The following DNAJC5B variants were observed in gnomAD, a reference collection of about 807,000 sequenced individuals.
DNAJC5B encodes the protein DnaJ heat shock protein family (Hsp40) member C5 beta, also known as dnaJ homolog subfamily C member 5B.
DNAJC5B carries 23 observed loss-of-function variants against 24.7 expected under a neutral mutation model. That is an observed-to-expected ratio of 0.93 (90% CI 0.67 to 1.32). The LOEUF (loss-of-function observed/expected upper bound fraction) is 1.32, where lower values mean the gene tolerates loss of function less well. Among genes scored for constraint, DNAJC5B ranks in the 40% most tolerant of loss-of-function variants. The pLI, the probability that DNAJC5B is intolerant of heterozygous loss-of-function variation, is 0.00. For synonymous variants in DNAJC5B, 101 were observed against 90.1 expected (o/e 1.12, Z -0.68); for missense variants, 238 against 240.8 (o/e 0.99, Z 0.08).
intron 3 of DNAJC5B, among the ~76,000 whole-genome samples, chr8:66,072,194 A>G (rs1251438309): frequency 1.3e-5 from 2 of 152,238 alleles, no homozygotes; most frequent in Non-Finnish European, 2.9e-5. Context: ...AACTTAAAGT[A>G]TAATAAAAAA....
intron 1 of DNAJC5B, among the ~76,000 whole-genome samples, chr8:66,040,625 G>A (rs78187545): frequency 6.6e-6 from 1 of 152,168 alleles, no homozygotes; most frequent in South Asian, 2.1e-4. Flanking sequence ...TCTGACATGG[G>A]GTAAACAGCG....
intron 5 of DNAJC5B, 150 bp downstream of exon 5, chr8:66,080,698 T>G (rs962797834): frequency 3.0e-6 from 2 of 665,636 alleles, no homozygotes; most frequent in African/African-American, 3.6e-5. Context: ...GTACAGCTTC[T>G]GGGGAGAATG....
intron 5 of DNAJC5B, among the ~76,000 whole-genome samples, chr8:66,084,175 C>T (rs1308945464): frequency 1.3e-5 from 2 of 152,178 alleles, no homozygotes; most frequent in East Asian, 3.8e-4. Flanking sequence ...AATCAGACTT[C>T]ATCTGAAGAC....
At chr8:66,045,691 C>T (rs2128958830) in intron 2 of DNAJC5B, among the ~76,000 whole-genome samples, 1 of 152,192 alleles carries the variant, frequency 6.6e-6, no homozygotes, top group African/African-American at 2.4e-5. Context: ...CCTGCCTGAG[C>T]CCATTTCTCT....
rs145783479 is a variant in DNAJC5B at position 66,056,199 on chromosome 8, C to T, written c.119+4533C>T. On this transcript the variant is annotated intron_variant, in intron 3 of 5. Coordinates refer to ENST00000276570, the MANE Select transcript of DNAJC5B (RefSeq NM_033105.6). The stretch of plus-strand genomic sequence containing the variant: ...ACCCAGGCCCAGCTTTTCCCAATAC[C>T]CAATCTAGCAGAAGAAGGCATCCAG... 2.6e-5 allele frequency among the ~76,000 whole-genome samples: 4 copies of T among 152,212 alleles called. No individual in the cohort carries two copies. In the East Asian group the frequency reaches 7.7e-4, roughly 29 times the overall value.
chr8:66,027,235 A>G (rs561479823), intron 1 of DNAJC5B, among the ~76,000 whole-genome samples: 4 of 152,168 alleles, frequency 2.6e-5, no homozygotes, highest in Non-Finnish European at 5.9e-5. Flanking sequence ...AGCCCCGGAA[A>G]TCTTTGAGAT....
the DNAJC5B span, among the ~76,000 whole-genome samples, chr8:66,016,334 G>A: frequency 1.3e-5 from 2 of 152,140 alleles, no homozygotes; most frequent in Admixed American, 1.3e-4. Flanking sequence ...TTATGGAGGT[G>A]GTTTCCCTTA....
chr8:66,065,270 A>G (rs570373933), intron 3 of DNAJC5B, among the ~76,000 whole-genome samples: 2 of 152,356 alleles, frequency 1.3e-5, no homozygotes, highest in African/African-American at 4.8e-5. Context: ...ACACTCAAAC[A>G]ATGGTTGGGG....
intron 3 of DNAJC5B, among the ~76,000 whole-genome samples, chr8:66,062,428 C>T (rs1377825675): frequency 6.6e-6 from 1 of 152,178 alleles, no homozygotes; most frequent in Non-Finnish European, 1.5e-5. Context: ...ACTAAAAAAA[C>T]AGCCAGATAT....
intron 1 of DNAJC5B, among the ~76,000 whole-genome samples, chr8:66,030,423 T>C (rs1166588964): frequency 1.3e-5 from 2 of 152,236 alleles, no homozygotes; most frequent in Non-Finnish European, 2.9e-5. Flanking sequence ...CCATTTCTTC[T>C]GACTGCATCT....
chr8:66,074,877 G>T (rs1458132060), intron 3 of DNAJC5B, among the ~76,000 whole-genome samples: 1 of 152,144 alleles, frequency 6.6e-6, no homozygotes, highest in Non-Finnish European at 1.5e-5. Flanking sequence ...ACCAGGAATT[G>T]GATGTGTTAC....
intron 2 of DNAJC5B, among the ~76,000 whole-genome samples, chr8:66,048,089 T>C (rs7011042): frequency 0.39 from 58,827 of 151,970 alleles, 16,820 homozygotes; most frequent in African/African-American, 0.82. Context: ...TTTTCTTAAC[T>C]CCAGCTAAAG....
At position 66,095,997 on chromosome 8, in the gene DNAJC5B, A is replaced by T. The variant is rs191856423; in HGVS notation, c.506-3940A>T. Among the ~76,000 whole-genome samples, 51 of 152,308 alleles carry T rather than the reference A, an allele frequency of 3.3e-4. 1 individual carries two copies. The highest frequency in any genetic ancestry group is 1.2e-3 in the African/African-American group (49 of 41,570). ...GCATTTGTTATGTTCATTGTTCCATATATGTCTATTGAATAAAGCTAATTT... is the reference window on the plus strand; with the variant it reads ...GCATTTGTTATGTTCATTGTTCCATTTATGTCTATTGAATAAAGCTAATTT... On this transcript the variant is annotated intron_variant, in intron 5 of 5. Coordinates refer to ENST00000276570, the MANE Select transcript of DNAJC5B (RefSeq NM_033105.6).
At chr8:66,050,180 A>G (rs1276116201) in intron 2 of DNAJC5B, among the ~76,000 whole-genome samples, 4 of 152,242 alleles carry the variant, frequency 2.6e-5, no homozygotes, top group Admixed American at 6.5e-5. Context: ...AAACATCCAC[A>G]ATAGTTAGTC....
chr8:66,023,814 G>A (rs1806193383), intron 1 of DNAJC5B, among the ~76,000 whole-genome samples: 1 of 152,166 alleles, frequency 6.6e-6, no homozygotes, highest in Non-Finnish European at 1.5e-5. Context: ...TGTAGGAGGA[G>A]CCTCCTTAGA....
intron 1 of DNAJC5B, among the ~76,000 whole-genome samples, chr8:66,024,323 T>TAC (rs1806206230): frequency 6.6e-6 from 1 of 152,088 alleles, no homozygotes; most frequent in Admixed American, 6.5e-5. Flanking sequence ...TGAGTAATTT[T>TAC]ACACACACTA....
intron 5 of DNAJC5B, among the ~76,000 whole-genome samples, chr8:66,081,616 T>C (rs955037503): frequency 6.6e-5 from 10 of 152,068 alleles, no homozygotes; most frequent in Admixed American, 6.5e-4. Context: ...CCCTATGAAA[T>C]GCAGTGTTAA....
At chr8:66,016,955 T>C (rs1341128597), upstream of DNAJC5B, among the ~76,000 whole-genome samples, 1 of 152,206 alleles carries the variant, frequency 6.6e-6, no homozygotes, top group Non-Finnish European at 1.5e-5. Context: ...TATGTCTGAA[T>C]GGAATCACAC....
intron 2 of DNAJC5B, 54 bp from the exon 3 acceptor site, chr8:66,051,477 T>G: frequency 9.6e-7 from 1 of 1,040,516 alleles, no homozygotes; most frequent in South Asian, 1.4e-5. Flanking sequence ...GTCTTCCCCT[T>G]TAGAGAGTGG....
Sources: gnomAD v4.1 joint callset for allele counts (sites outside exome capture counted in the v4.1 genomes callset) on GRCh38, gnomAD v4.1.1 for gene constraint, MANE v1.5 for transcripts, NCBI Gene and HGNC (gene_info 2026-07-23, HGNC 2026-07-21) for gene names.